ANTXR2: variants seen among roughly 807,000 people sequenced by gnomAD.
ANTXR2 encodes the protein ANTXR cell adhesion molecule 2.
ANTXR2 carries 44 observed loss-of-function variants against 73.7 expected under a neutral mutation model. That is an observed-to-expected ratio of 0.60 (90% CI 0.47 to 0.77). The LOEUF (loss-of-function observed/expected upper bound fraction) is 0.77. ANTXR2 is among the 30% of genes least tolerant of loss of function. ANTXR2 has a pLI of 0.00. For missense variants in ANTXR2, 604 were observed against 592.5 expected (o/e 1.02, Z -0.20); for synonymous variants, 217 against 205.9 (o/e 1.05, Z -0.46).
chr4:79,911,751 TTTTC>T (rs1373034046), intron 16 of ANTXR2, among the ~76,000 whole-genome samples: 4 of 152,058 alleles, frequency 2.6e-5, no homozygotes, highest in Middle Eastern at 3.4e-3. Flanking sequence ...GAAGAAAATA[TTTTC>T]TTTATTTTCT....
At chr4:79,925,330 TAA>T (rs35420567) in intron 16 of ANTXR2, among the ~76,000 whole-genome samples, 198 of 148,774 alleles carry the variant, frequency 1.3e-3, no homozygotes, top group African/African-American at 4.6e-3. Flanking sequence ...CCTTAGATAA[TAA>T]AAAAAAATTT....
intron 9 of ANTXR2, among the ~76,000 whole-genome samples, chr4:80,032,846 G>T: frequency 6.6e-6 from 1 of 151,796 alleles, no homozygotes; most frequent in East Asian, 1.9e-4. Context: ...AAAGTCAAAG[G>T]TAGGGAAAAT....
chr4:80,064,414 T>C (rs1734402224), intron 3 of ANTXR2, among the ~76,000 whole-genome samples: 1 of 152,212 alleles, frequency 6.6e-6, no homozygotes, highest in Admixed American at 6.5e-5. Context: ...GCTCAATCAC[T>C]CATTCAACAA....
intron 3 of ANTXR2, among the ~76,000 whole-genome samples, chr4:80,062,480 G>T (rs569590280): frequency 4.6e-5 from 7 of 152,258 alleles, no homozygotes; most frequent in African/African-American, 1.7e-4. Context: ...ACAGATGTGG[G>T]ACTTCAGCGA....
intron 16 of ANTXR2, among the ~76,000 whole-genome samples, chr4:79,920,475 A>C (rs1296328229): frequency 6.6e-6 from 1 of 152,118 alleles, no homozygotes; most frequent in Non-Finnish European, 1.5e-5. Context: ...TTAAAAGGCA[A>C]ATCTGAATCA....
chr4:80,027,006 C>T (rs567126895), intron 10 of ANTXR2, among the ~76,000 whole-genome samples: 6 of 152,206 alleles, frequency 3.9e-5, no homozygotes, highest in African/African-American at 1.4e-4. Context: ...AGAAATGTTC[C>T]ACCAAGGAAG....
chr4:79,980,937 A>G (rs68004215), intron 14 of ANTXR2, among the ~76,000 whole-genome samples: 10,081 of 151,304 alleles, frequency 0.067, 412 homozygotes, highest in Middle Eastern at 0.11. Context: ...AAAAAAAAAA[A>G]AAAAAGAGAA....
chr4:79,943,746 A>AAT (rs1391765558), intron 16 of ANTXR2, among the ~76,000 whole-genome samples: 15 of 151,868 alleles, frequency 9.9e-5, no homozygotes, highest in Non-Finnish European at 1.3e-4. Context: ...AAAAAAAAAA[A>AAT]TAAATAAAAA....
intron 3 of ANTXR2, among the ~76,000 whole-genome samples, chr4:80,066,973 G>A (rs978985942): frequency 6.6e-6 from 1 of 151,986 alleles, no homozygotes; most frequent in Non-Finnish European, 1.5e-5. Flanking sequence ...CGAGGCGGAC[G>A]GATCACGAGG....
At chr4:79,915,877 T>TATATATAC (rs1286818653) in intron 16 of ANTXR2, among the ~76,000 whole-genome samples, 1 of 149,956 alleles carries the variant, frequency 6.7e-6, no homozygotes, top group Middle Eastern at 3.5e-3. Context: ...TATATATATA[T>TATATATAC]ACATAAAGAA....
chr4:80,018,095 A>G (rs933471143), intron 11 of ANTXR2, among the ~76,000 whole-genome samples: 1 of 152,210 alleles, frequency 6.6e-6, no homozygotes, highest in African/African-American at 2.4e-5. Flanking sequence ...TCAAAATATA[A>G]AACAATGAAA....
rs1207720677 is a variant in ANTXR2, at chr4:79,905,427, GCTA to G, written c.*1999_*2001del. The G allele has an allele frequency of 1.3e-5, 2 of 152,164 alleles. No individual in the cohort carries two copies. Among genetic ancestry groups the G allele is most frequent in the Non-Finnish European group, 2.9e-5 (2 of 68,026 alleles). 9.4% of individuals were successfully genotyped at this position (152,164 alleles called of 1,614,324 possible). A position where few individuals can be genotyped will look rare whatever the true frequency, so the allele number is the denominator to read the frequency against. On this transcript the variant is annotated 3_prime_UTR_variant, in exon 17 of 17. Coordinates refer to ENST00000403729, the MANE Select transcript of ANTXR2 (RefSeq NM_058172.6). ...CTTCCAAGTTACACTTGCATATGCA[GCTA>G]CTGCCAATAGTATCATCTGTGAACA...
At chr4:79,914,675 C>T (rs906695749) in intron 16 of ANTXR2, among the ~76,000 whole-genome samples, 6 of 152,044 alleles carry the variant, frequency 3.9e-5, no homozygotes, top group South Asian at 2.1e-4. Flanking sequence ...TTGAACTTAA[C>T]CTGAACTAAG....
intron 16 of ANTXR2, among the ~76,000 whole-genome samples, chr4:79,955,655 A>T (rs1029929178): frequency 3.3e-5 from 5 of 152,070 alleles, no homozygotes; most frequent in East Asian, 1.9e-4. Flanking sequence ...AGATTTTTTT[A>T]AAAAAACAAG....
At chr4:80,038,512 A>G (rs1385198419) in intron 7 of ANTXR2, among the ~76,000 whole-genome samples, 4 of 152,120 alleles carry the variant, frequency 2.6e-5, no homozygotes, top group Non-Finnish European at 4.4e-5. Flanking sequence ...GAGGTTCAGG[A>G]TGATTCAACA....
chr4:79,926,938 T>C (rs200737952), intron 16 of ANTXR2, among the ~76,000 whole-genome samples: 2 of 55,624 alleles, frequency 3.6e-5, no homozygotes, highest in East Asian at 9.6e-3. Context: ...CACATGTGCA[T>C]ATATGTGTAT....
intron 3 of ANTXR2, among the ~76,000 whole-genome samples, chr4:80,064,691 G>A (rs988054409): frequency 2.6e-5 from 4 of 152,132 alleles, no homozygotes; most frequent in Non-Finnish European, 5.9e-5. Context: ...ACCTAAATGA[G>A]GAGAACGAGC....
chr4:79,910,253 G>A (rs1406069736), intron 16 of ANTXR2, among the ~76,000 whole-genome samples: 1 of 152,150 alleles, frequency 6.6e-6, no homozygotes, highest in Non-Finnish European at 1.5e-5. Context: ...GCTCACGCCT[G>A]TAATCCCAGC....
chr4:79,921,144 A>G (rs1727575031), intron 16 of ANTXR2, among the ~76,000 whole-genome samples: 1 of 152,126 alleles, frequency 6.6e-6, no homozygotes, highest in Non-Finnish European at 1.5e-5. Flanking sequence ...TTAACACCAC[A>G]TAGCAAAAAG....
Sources: allele counts gnomAD v4.1 joint callset (sites outside exome capture counted in the v4.1 genomes callset), GRCh38; gene constraint gnomAD v4.1.1; transcripts MANE v1.5; gene names NCBI Gene and HGNC (gene_info 2026-07-23, HGNC 2026-07-21).